Variants in MAD1L1 observed in about 807,000 individuals in gnomAD.
The protein encoded by MAD1L1 is mitotic spindle assembly checkpoint protein MAD1.
MAD1L1 carries 95 observed loss-of-function variants against 96.9 expected under a neutral mutation model. That is an observed-to-expected ratio of 0.98 (90% CI 0.83 to 1.16). MAD1L1 has a LOEUF of 1.16. Among genes scored for constraint, MAD1L1 ranks in the 50% most tolerant of loss-of-function variants. The pLI, the probability that MAD1L1 is intolerant of heterozygous loss-of-function variation, is 0.00. For synonymous variants in MAD1L1, 473 were observed against 396.6 expected (o/e 1.19, Z -2.29); for missense variants, 1,007 against 954.4 (o/e 1.06, Z -0.73).
chr7:2,024,747 CCAGCCCTGGGTTCAGCCAGAAAAAAAA>C (rs1782928150), intron 12 of MAD1L1, among the ~76,000 whole-genome samples: 1 of 152,150 alleles, frequency 6.6e-6, no homozygotes, highest in Non-Finnish European at 1.5e-5. Flanking sequence ...GGCGACGACC[CCAGCCCTGGGTTCAGCCAGAAAAAAAA>C]CAGGCTGTAT....
At chr7:1,994,465 C>A (rs1282311881) in intron 14 of MAD1L1, among the ~76,000 whole-genome samples, 1 of 152,186 alleles carries the variant, frequency 6.6e-6, no homozygotes, top group Non-Finnish European at 1.5e-5. Context: ...GTAGGCAGGG[C>A]AGGCCCATCG....
chr7:1,977,653 C>T (rs1251178718), intron 15 of MAD1L1, among the ~76,000 whole-genome samples: 3 of 152,268 alleles, frequency 2.0e-5, no homozygotes, highest in Non-Finnish European at 4.4e-5. Context: ...ATGATAAAGG[C>T]CTTTTCTTAA....
intron 11 of MAD1L1, among the ~76,000 whole-genome samples, chr7:2,123,632 A>G (rs1236140545): frequency 6.6e-6 from 1 of 152,208 alleles, no homozygotes; most frequent in African/African-American, 2.4e-5. Flanking sequence ...GGAGGGCAGC[A>G]GCCCTCAAGC....
chr7:2,164,711 C>T (rs1363052408), intron 10 of MAD1L1, among the ~76,000 whole-genome samples: 4 of 151,962 alleles, frequency 2.6e-5, no homozygotes, highest in Non-Finnish European at 5.9e-5. Flanking sequence ...TCAGCATAAT[C>T]TGTGAAGATG....
At chr7:2,092,009 A>G (rs1289003689) in intron 11 of MAD1L1, among the ~76,000 whole-genome samples, 1 of 152,222 alleles carries the variant, frequency 6.6e-6, no homozygotes, top group Non-Finnish European at 1.5e-5. Context: ...GAGCCCACAG[A>G]CAGGGCCATC....
intron 15 of MAD1L1, among the ~76,000 whole-genome samples, chr7:1,962,659 A>T (rs994155803): frequency 2.6e-5 from 4 of 152,260 alleles, no homozygotes; most frequent in Non-Finnish European, 5.9e-5. Context: ...TGCTTTACCA[A>T]AGAAGATCTA....
intron 18 of MAD1L1, among the ~76,000 whole-genome samples, chr7:1,856,637 C>T (rs1182219757): frequency 1.3e-5 from 2 of 152,178 alleles, no homozygotes; most frequent in African/African-American, 2.4e-5. Context: ...TCAGGAGGAG[C>T]TGCTCGCGGC....
rs1583475972 is a variant in MAD1L1 at position 1,824,226 on chromosome 7, C to G, written c.1999-7998G>C. 2.6e-5 allele frequency among the ~76,000 whole-genome samples: 4 copies of G among 152,326 alleles called. No individual in the cohort carries two copies. The South Asian group carries it at 8.3e-4, about 32-fold the overall frequency. ...CGGCCCCAACGCCTCCCCTCTTACACCACCTGCTTGTGCGGGCCTGGTGGC... is the reference window on the plus strand; with the variant it reads ...CGGCCCCAACGCCTCCCCTCTTACAGCACCTGCTTGTGCGGGCCTGGTGGC... On this transcript the variant is annotated intron_variant, in intron 18 of 18. Transcript: ENST00000265854.
At chr7:2,097,974 C>T (rs1053637900) in intron 11 of MAD1L1, among the ~76,000 whole-genome samples, 2 of 152,206 alleles carry the variant, frequency 1.3e-5, no homozygotes, top group Non-Finnish European at 2.9e-5. Flanking sequence ...CGCTCAGCAG[C>T]GCGGTGTCGC....
intron 14 of MAD1L1, among the ~76,000 whole-genome samples, chr7:2,000,627 A>G (rs1326441208): frequency 6.6e-6 from 1 of 152,042 alleles, no homozygotes; most frequent in African/African-American, 2.4e-5. Flanking sequence ...ATTCGCCACC[A>G]CCGGAAGTTC....
At position 2,114,924 on chromosome 7, in the gene MAD1L1, C is replaced by T. The variant is rs376891674; in HGVS notation, c.1073+34228G>A. The stretch of plus-strand genomic sequence containing the variant: ...ACAAGGGCCTCGAAGCCCCGCCTTC[C>T]GGTGAGCACCGCTGCAGCAGCAGGG... On this transcript the variant is annotated intron_variant, in intron 11 of 18. Transcript: ENST00000265854. This position sits in a 1 kb window ranked among gnomAD's most constrained non-coding sequence, Gnocchi z 4.2. Among the ~76,000 whole-genome samples, 5 of 152,234 alleles carry T rather than the reference C, an allele frequency of 3.3e-5. No homozygotes were observed. The highest frequency in any genetic ancestry group is 4.8e-5 in the African/African-American group (2 of 41,462).
chr7:1,932,202 C>T (rs1789518388), intron 17 of MAD1L1, among the ~76,000 whole-genome samples: 1 of 152,228 alleles, frequency 6.6e-6, no homozygotes, highest in South Asian at 2.1e-4. Flanking sequence ...GTTCTGGCCC[C>T]TGCCAGCTGC....
intron 15 of MAD1L1, among the ~76,000 whole-genome samples, chr7:1,967,926 AC>A (rs1237282711): frequency 1.3e-5 from 2 of 151,876 alleles, no homozygotes; most frequent in East Asian, 3.9e-4. Context: ...TCCAGTCCAC[AC>A]TGCTGGTAAT....
intron 16 of MAD1L1, among the ~76,000 whole-genome samples, chr7:1,939,444 G>A (rs931039663): frequency 6.6e-6 from 1 of 152,184 alleles, no homozygotes; most frequent in Non-Finnish European, 1.5e-5. Flanking sequence ...GTGGGGCAGT[G>A]AGACTGGATG....
At chr7:2,043,721 A>C (rs1241811016) in intron 12 of MAD1L1, among the ~76,000 whole-genome samples, 2 of 152,120 alleles carry the variant, frequency 1.3e-5, no homozygotes, top group Admixed American at 1.3e-4. Flanking sequence ...CTTTTTCTCG[A>C]GAGTGGGGGC....
chr7:1,855,292 A>G (rs1784187679), intron 18 of MAD1L1, among the ~76,000 whole-genome samples: 1 of 151,640 alleles, frequency 6.6e-6, no homozygotes, highest in African/African-American at 2.4e-5. Context: ...TGCGGGCCAC[A>G]CCCTAGGGTT....
At chr7:2,096,735 A>C (rs1185715577) in intron 11 of MAD1L1, among the ~76,000 whole-genome samples, 1 of 152,042 alleles carries the variant, frequency 6.6e-6, no homozygotes, top group Admixed American at 6.5e-5. Flanking sequence ...AGGCCCCTTC[A>C]CGAGGCCCAG....
rs148550782 is a variant in MAD1L1 at position 2,171,767 on chromosome 7, G to C, written c.987-22529C>G. The stretch of plus-strand genomic sequence containing the variant: ...GGTCACCTCCGCCATGCAAAGGGCA[G>C]CAGAGAAGCCCAGCAGTTGGAGGGT... On this transcript the variant is annotated intron_variant, in intron 10 of 18. Coordinates refer to ENST00000265854, the MANE Select transcript of MAD1L1 (RefSeq NM_001013836.2). 6.3e-4 allele frequency among the ~76,000 whole-genome samples: 96 copies of C among 152,062 alleles called. 1 individual carries two copies. The highest frequency in any genetic ancestry group is 7.4e-4 in the Non-Finnish European group (50 of 67,790).
At chr7:2,022,280 G>A (rs1320425506) in intron 12 of MAD1L1, among the ~76,000 whole-genome samples, 1 of 152,256 alleles carries the variant, frequency 6.6e-6, no homozygotes, top group East Asian at 1.9e-4. Flanking sequence ...CACCCTGCCT[G>A]TGACCTGGTC....
Sources: gnomAD v4.1 joint callset for allele counts (sites outside exome capture counted in the v4.1 genomes callset) on GRCh38, gnomAD v4.1.1 for gene constraint, Gnocchi (gnomAD v3.1) non-coding constraint, MANE v1.5 for transcripts, NCBI Gene and HGNC (gene_info 2026-07-23, HGNC 2026-07-21) for gene names.